MRPL43: variants seen among roughly 807,000 people sequenced by gnomAD.
The protein encoded by MRPL43 is large ribosomal subunit protein mL43.
Under a neutral mutation model 12.7 loss-of-function variants are expected in MRPL43, and 9 were observed. That is an observed-to-expected ratio of 0.71 (90% CI 0.43 to 1.24). MRPL43 has a LOEUF of 1.24. Ranked by LOEUF, MRPL43 falls within the 50% of genes most tolerant of loss-of-function variation. MRPL43 has a pLI of 0.00. For synonymous variants in MRPL43, 116 were observed against 96.4 expected (o/e 1.20, Z -1.19); for missense variants, 211 against 229.2 (o/e 0.92, Z 0.51).
chr10:100,983,852 T>A, downstream of MRPL43: 1 of 1,587,360 alleles, frequency 6.3e-7, no homozygotes, highest in Non-Finnish European at 8.6e-7. Context: ...ATGAGGGGGC[T>A]GGGGGCCTGG....
chr10:100,986,995 AGT>A lies in MRPL43; in HGVS notation c.239-22_239-21del, dbSNP rs1325789492. On this transcript the variant is annotated intron_variant, in intron 2 of 2. Coordinates refer to ENST00000318364, the MANE Select transcript of MRPL43 (RefSeq NM_032112.3). Reference sequence around the variant, plus strand: ...CGTTAACTGGCAGAAGAGGGGTGAGAGTGGGTGGAAGCTGGCCGGTGCGACCA... The same window carrying A: ...CGTTAACTGGCAGAAGAGGGGTGAGAGGGTGGAAGCTGGCCGGTGCGACCA... 1.2e-6 allele frequency: 2 copies of A among 1,604,918 alleles called. No individual in the cohort carries two copies. Among genetic ancestry groups the A allele is most frequent in the Non-Finnish European group, 1.7e-6 (2 of 1,179,344 alleles).
At chr10:100,978,572 C>G, downstream of MRPL43, 2 of 1,614,160 alleles carry the variant, frequency 1.2e-6, no homozygotes, top group Non-Finnish European at 1.7e-6. Context: ...CGGAGCATTC[C>G]TGACATCCGC....
At chr10:100,987,028 G>C in intron 2 of MRPL43, 53 bp from the exon 3 acceptor site, 1 of 1,607,088 alleles carries the variant, frequency 6.2e-7, no homozygotes, top group Non-Finnish European at 8.5e-7. Flanking sequence ...GACCAAGCGA[G>C]AAGGAGGATA....
chr10:100,978,230 C>G, downstream of MRPL43: 6 of 1,234,416 alleles, frequency 4.9e-6, no homozygotes, highest in South Asian at 5.1e-5. Flanking sequence ...CCAGACTGAT[C>G]TGACTTTGAG....
chr10:100,978,133 G>C, downstream of MRPL43: 1 of 609,576 alleles, frequency 1.6e-6, no homozygotes, highest in Non-Finnish European at 2.9e-6. Flanking sequence ...GAGGCCATAA[G>C]GTCATTCTCA....
downstream of MRPL43, chr10:100,984,432 G>GT: frequency 6.7e-7 from 1 of 1,492,204 alleles, no homozygotes; most frequent in Non-Finnish European, 8.9e-7. Flanking sequence ...ACACTTATAG[G>GT]TGAGGACTCC....
In MRPL43 at chr10:100,987,125, C is replaced by T; in HGVS notation, c.203G>A (p.Arg68His). 1.9e-6 allele frequency: 3 copies of T among 1,613,834 alleles called. No individual in the cohort carries two copies. The highest frequency in any genetic ancestry group is 2.5e-6 in the Non-Finnish European group (3 of 1,180,024). ...CACTACTCTGGGCACGCAGCACGGA[C>T]GCGAGTTTACATATATTACGACCCC... is the stretch of plus-strand genomic sequence containing the variant. ...NPGVVIYVNSRPCCVPRVVAE... is the reference protein window; with the variant it reads ...NPGVVIYVNSHPCCVPRVVAE... Residue 68 changes from arginine (R) to histidine (H), a missense_variant, in exon 2 of 3, where the codon CGT becomes CAT. Coordinates refer to ENST00000318364, the MANE Select transcript of MRPL43 (RefSeq NM_032112.3).
At chr10:100,983,244 T>A, downstream of MRPL43, 1 of 1,458,792 alleles carries the variant, frequency 6.9e-7, no homozygotes, top group Admixed American at 2.6e-5. Flanking sequence ...ACAGTCTGGC[T>A]TGCCATCTCT....
chr10:100,986,831 C>T lies in MRPL43; in HGVS notation c.383G>A (p.Gly128Asp). 3 of 1,613,918 alleles carry T rather than the reference C, an allele frequency of 1.9e-6. No homozygotes were observed. The highest frequency in any genetic ancestry group is 2.5e-6 in the Non-Finnish European group (3 of 1,180,024). ...CTTGTTGGTGAAGGGGTGCCACTGG[C>T]CCTGGATGCTAGGGTTGTCGGTGTG... ...PFHTDNPSIQ[G>D]QWHPFTNKPT... is the part of the protein sequence containing the mutation. The change falls in exon 3 of 3, where the codon GGC becomes GAC. Residue 128 changes from glycine to aspartate, a missense_variant. Physicochemically the swap from Gly to Asp is moderately conservative, Grantham distance 94. Transcript: ENST00000318364.
downstream of MRPL43, chr10:100,983,475 G>C: frequency 6.2e-7 from 1 of 1,614,206 alleles, no homozygotes; most frequent in East Asian, 2.2e-5. Flanking sequence ...GCTGGTTACA[G>C]ATGCACAGCC....
rs775590477 is a variant in MRPL43 at position 100,987,405 on chromosome 10, G to A, written c.39C>T (p.Ser13=). The A allele has an allele frequency of 6.2e-7, 1 of 1,612,590 alleles. No individual in the cohort carries two copies. The highest frequency in any genetic ancestry group is 2.2e-5 in the East Asian group (1 of 44,876). The change falls in exon 1 of 3, where the codon AGC becomes AGT. Residue 13 remains serine (S), a synonymous_variant. Coordinates refer to ENST00000318364, the MANE Select transcript of MRPL43 (RefSeq NM_032112.3). ...ARGTPSRFLA[S]VLHNGLGRYV... ...AGCGACCCAGTCCGTTGTGGAGAAC[G>A]CTGGCCAAGAAGCGGCTCGGAGTCC...
downstream of MRPL43, chr10:100,985,363 C>T (rs1851394479): frequency 6.4e-6 from 1 of 156,202 alleles, no homozygotes; most frequent in South Asian, 2.1e-4. Flanking sequence ...ACTGAGCTCC[C>T]CCATTCCCCT....
chr10:100,981,673 CATT>C (rs1851082645), downstream of MRPL43: 1 of 1,167,288 alleles, frequency 8.6e-7, no homozygotes, highest in Non-Finnish European at 1.2e-6. Context: ...AGAAAGGTGC[CATT>C]ATTATTATCC....
downstream of MRPL43, chr10:100,979,761 G>GT: frequency 6.6e-7 from 1 of 1,523,588 alleles, no homozygotes; most frequent in Middle Eastern, 1.8e-4. Flanking sequence ...GTTGGCCAGG[G>GT]TAACAGTGAG....
chr10:100,986,753 G>A lies in MRPL43; in HGVS notation c.461C>T (p.Ala154Val), dbSNP rs1421443906. 9 of 1,613,808 alleles carry A rather than the reference G, an allele frequency of 5.6e-6. No homozygotes were observed. The highest frequency in any genetic ancestry group is 3.3e-5 in the South Asian group (3 of 91,082). ...AACTCTTCACTGTGCTTGCACCTGGGCTGGGGCAGGATCCTGAACCTCTCG... is the reference window on the plus strand; with the variant it reads ...AACTCTTCACTGTGCTTGCACCTGGACTGGGGCAGGATCCTGAACCTCTCG... ...RPREVQDPAPAQVQAQ is the reference protein window; with the variant it reads ...RPREVQDPAPVQVQAQ Residue 154 changes from alanine to valine, a missense_variant, in exon 3 of 3, where the codon GCC (alanine) becomes GTC (valine). Coordinates refer to ENST00000318364, the MANE Select transcript of MRPL43 (RefSeq NM_032112.3).
At chr10:100,981,509 T>A, downstream of MRPL43, 1 of 1,614,186 alleles carries the variant, frequency 6.2e-7, no homozygotes, top group Non-Finnish European at 8.5e-7. Flanking sequence ...GTAATGGGTA[T>A]TTCCCCAAGG....
At position 100,987,323 on chromosome 10, in the gene MRPL43, G is replaced by C; in HGVS notation, c.121C>G (p.Arg41Gly). The C allele has an allele frequency of 1.2e-6, 2 of 1,612,270 alleles. No individual in the cohort carries two copies. Among genetic ancestry groups the C allele is most frequent in the Non-Finnish European group, 1.7e-6 (2 of 1,179,800 alleles). The change falls in exon 1 of 3, where the codon CGC becomes GGC. Residue 41 changes from arginine to glycine, a missense_variant. Coordinates refer to ENST00000318364, the MANE Select transcript of MRPL43 (RefSeq NM_032112.3). The stretch of plus-strand genomic sequence containing the variant: ...CTTCCCTTGGCTCACCTGGCGCCGC[G>C]AGACGAGGCGCCGTCGCGGCTGACG... The part of the protein sequence containing the change: ...FSVSRDGASS[R>G]GAREFVEREV...
chr10:100,978,699 C>T (rs1021502196), downstream of MRPL43: 3 of 1,572,142 alleles, frequency 1.9e-6, no homozygotes, highest in African/African-American at 2.7e-5. Context: ...CATTTTTACT[C>T]CCTTGGCCAG....
downstream of MRPL43, chr10:100,978,282 C>T: frequency 6.8e-6 from 11 of 1,606,776 alleles, no homozygotes; most frequent in Non-Finnish European, 9.4e-6. Flanking sequence ...ACTGCTGGTT[C>T]CTTGTTCCCT....
Sources: allele counts gnomAD v4.1 joint callset, GRCh38; gene constraint gnomAD v4.1.1; transcripts MANE v1.5; gene names NCBI Gene and HGNC (gene_info 2026-07-23, HGNC 2026-07-21).